The following UGT1A10 variants were observed in gnomAD, a reference collection of about 807,000 sequenced individuals.
The protein encoded by UGT1A10 is UDP glucuronosyltransferase family 1 member A10.
Under a neutral mutation model 45.8 loss-of-function variants are expected in UGT1A10, and 49 were observed. That is an observed-to-expected ratio of 1.07 (90% CI 0.85 to 1.36). UGT1A10 has a LOEUF of 1.36. Among genes scored for constraint, UGT1A10 ranks in the 40% most tolerant of loss-of-function variants. UGT1A10 has a pLI of 0.00. For missense variants in UGT1A10, 745 were observed against 668.6 expected, an observed-to-expected ratio of 1.11 and a Z score of -1.26; for synonymous variants, 284 against 249.7, an observed-to-expected ratio of 1.14 and a Z score of -1.29.
chr2:233,636,635 G>T lies in UGT1A10; in HGVS notation c.113G>T (p.Trp38Leu). The change falls in exon 1 of 5, where the codon TGG (tryptophan) becomes TTG (leucine). Residue 38 changes from tryptophan (W) to leucine (L), a missense_variant. By Grantham distance (61) the Trp-to-Leu change is moderately conservative. Coordinates refer to ENST00000344644, the MANE Select transcript of UGT1A10 (RefSeq NM_019075.4). ...GTAGTGCCCATGGATGGGAGTCACT[G>T]GTTCACCATGCAGTCGGTGGTGGAG... ...LLVVPMDGSH[W>L]FTMQSVVEKL... The T allele has an allele frequency of 6.2e-7, 1 of 1,614,160 alleles. No individual in the cohort carries two copies. The highest frequency in any genetic ancestry group is 8.5e-7 in the Non-Finnish European group (1 of 1,180,030).
intron 1 of UGT1A10, among the ~76,000 whole-genome samples, chr2:233,645,304 G>A (rs2073570842): frequency 6.6e-6 from 1 of 152,144 alleles, no homozygotes; most frequent in Non-Finnish European, 1.5e-5. Flanking sequence ...TACAATTCAA[G>A]ATGAGATTTA....
At chr2:233,732,341 T>G (rs1447704725) in intron 1 of UGT1A10, among the ~76,000 whole-genome samples, 1 of 152,268 alleles carries the variant, frequency 6.6e-6, no homozygotes, top group East Asian at 1.9e-4. Flanking sequence ...TTGCTTTTGG[T>G]GTTTTAGTCA....
intron 1 of UGT1A10, among the ~76,000 whole-genome samples, chr2:233,734,621 G>C (rs1231102351): frequency 6.6e-6 from 1 of 152,064 alleles, no homozygotes; most frequent in Non-Finnish European, 1.5e-5. Context: ...GTTGATTTTA[G>C]ATCTTTCCTG....
At chr2:233,764,179 C>T (rs1420569842) in intron 1 of UGT1A10, among the ~76,000 whole-genome samples, 1 of 152,170 alleles carries the variant, frequency 6.6e-6, no homozygotes. Flanking sequence ...CAGGGAAATT[C>T]TCTCATTCAG....
chr2:233,693,547 A>G (rs765072328), intron 1 of UGT1A10: 1 of 1,614,164 alleles, frequency 6.2e-7, no homozygotes, highest in East Asian at 2.2e-5. Flanking sequence ...TGGAGCATAC[A>G]TTCAGCAGAA....
rs112242313 is a variant in UGT1A10, at chr2:233,705,319, A to G, written c.856-61715A>G. Among the ~76,000 whole-genome samples the G allele has an allele frequency of 2.0e-3, 307 of 152,310 alleles. 1 individual carries two copies. Among genetic ancestry groups the G allele is most frequent in the Non-Finnish European group, 6.6e-4 (45 of 68,036 alleles). ...GTATTTCTTGTAAGTTGAGTTTTTC[A>G]GCAACACATTCTCTCAATTTTTGTC... On this transcript the variant is annotated intron_variant, in intron 1 of 4. Coordinates refer to ENST00000344644, the MANE Select transcript of UGT1A10 (RefSeq NM_019075.4).
rs537688236 is a variant in UGT1A10, at chr2:233,769,340, T to A, written c.1295+901T>A. On this transcript the variant is annotated intron_variant, in intron 4 of 4. Coordinates refer to ENST00000344644, the MANE Select transcript of UGT1A10 (RefSeq NM_019075.4). This position sits in a 1 kb window ranked among gnomAD's most constrained non-coding sequence, Gnocchi z 4.4. ...CACTGGTAATAGGCTTATTAGAACC[T>A]TATGGGAAGAAGTGGTGGCCAGTGG... Among the ~76,000 whole-genome samples the A allele has an allele frequency of 9.2e-5, 14 of 152,346 alleles. No individual in the cohort carries two copies. The highest frequency in any genetic ancestry group is 3.4e-4 in the African/African-American group (14 of 41,584).
At chr2:233,656,806 TG>T (rs1421031485) in intron 1 of UGT1A10, among the ~76,000 whole-genome samples, 1 of 152,186 alleles carries the variant, frequency 6.6e-6, no homozygotes, top group African/African-American at 2.4e-5. Context: ...TCACTTGTTG[TG>T]GGAGACGGGC....
At chr2:233,680,326 C>A (rs1013863860) in intron 1 of UGT1A10, among the ~76,000 whole-genome samples, 4 of 152,100 alleles carry the variant, frequency 2.6e-5, no homozygotes, top group Admixed American at 2.0e-4. Context: ...AGAGAAGAAA[C>A]GCGCAGAGGG....
intron 1 of UGT1A10, chr2:233,740,670 G>C (rs915333505): frequency 4.0e-5 from 6 of 151,870 alleles, no homozygotes; most frequent in African/African-American, 1.5e-4. Flanking sequence ...AGGTACAGGT[G>C]TTTCCATGGA....
rs773080052 is a variant in UGT1A10, at chr2:233,725,069, CGCAGGCACTCG to C, written c.856-41958_856-41948del. On this transcript the variant is annotated intron_variant, in intron 1 of 4. Coordinates refer to ENST00000344644, the MANE Select transcript of UGT1A10 (RefSeq NM_019075.4). ...AGGCGTGGCGGCGCGCGCCTGCAAT[CGCAGGCACTCG>C]GCAGGCTGAGGCAGGAGAATCAGGC... 5.1e-3 allele frequency among the ~76,000 whole-genome samples: 744 copies of C among 146,616 alleles called. 33 individuals carry two copies. The highest frequency in any genetic ancestry group is 8.3e-3 in the Non-Finnish European group (553 of 66,856).
intron 1 of UGT1A10, among the ~76,000 whole-genome samples, chr2:233,698,253 G>A (rs146882622): frequency 8.7e-4 from 132 of 152,208 alleles, no homozygotes; most frequent in African/African-American, 3.0e-3. Flanking sequence ...AATTTCTTTT[G>A]TCCAATAATC....
At chr2:233,704,215 T>C (rs946162236) in intron 1 of UGT1A10, among the ~76,000 whole-genome samples, 1 of 151,050 alleles carries the variant, frequency 6.6e-6, no homozygotes, top group African/African-American at 2.4e-5. Flanking sequence ...ATGCTCTATA[T>C]CTCTCATGTA....
chr2:233,678,545 A>T (rs112842934), intron 1 of UGT1A10, among the ~76,000 whole-genome samples: 90 of 152,324 alleles, frequency 5.9e-4, no homozygotes, highest in African/African-American at 2.1e-3. Context: ...ATGTATTTAA[A>T]AATGCTTTTA....
intron 1 of UGT1A10, among the ~76,000 whole-genome samples, chr2:233,762,910 G>A (rs1185953158): frequency 1.3e-5 from 2 of 152,074 alleles, no homozygotes; most frequent in Non-Finnish European, 2.9e-5. Flanking sequence ...CAGGGCTATT[G>A]AATTTATTAG....
At chr2:233,686,765 A>T (rs926111347) in intron 1 of UGT1A10, among the ~76,000 whole-genome samples, 5 of 151,996 alleles carry the variant, frequency 3.3e-5, no homozygotes, top group Non-Finnish European at 7.4e-5. Flanking sequence ...GCTTTATTTT[A>T]TGCAACACTC....
At chr2:233,671,792 C>A (rs2074199541) in intron 1 of UGT1A10, 28 of 1,409,224 alleles carry the variant, frequency 2.0e-5, no homozygotes, top group Non-Finnish European at 2.5e-5. Context: ...TTGGGTAAAT[C>A]ATTGTCAGTG....
chr2:233,702,001 G>A (rs553035619), intron 1 of UGT1A10, among the ~76,000 whole-genome samples: 30 of 152,034 alleles, frequency 2.0e-4, no homozygotes, highest in African/African-American at 7.0e-4. Context: ...GATCAGAGCA[G>A]AACTGAAGGA....
At chr2:233,690,849 A>T (rs765856425) in intron 1 of UGT1A10, 447 of 1,068,548 alleles carry the variant, frequency 4.2e-4, no homozygotes, top group Non-Finnish European at 4.9e-4. Flanking sequence ...ATGTTTTCTA[A>T]TACCTTCTTA....
Sources: gnomAD v4.1 joint callset for allele counts (sites outside exome capture counted in the v4.1 genomes callset) on GRCh38, gnomAD v4.1.1 for gene constraint, Gnocchi (gnomAD v3.1) non-coding constraint, MANE v1.5 for transcripts, NCBI Gene and HGNC (gene_info 2026-07-23, HGNC 2026-07-21) for gene names.